Variants in SH3GL2 observed in about 807,000 individuals in gnomAD.
The protein encoded by SH3GL2 is SH3 domain containing GRB2 like 2, endophilin A1, also known as endophilin-A1.
Under a neutral mutation model 46.0 loss-of-function variants are expected in SH3GL2, and 24 were observed. That is an observed-to-expected ratio of 0.52 (90% confidence interval 0.38 to 0.73). The LOEUF is 0.73. SH3GL2 is among the 30% of genes least tolerant of loss of function. The pLI, the probability that SH3GL2 is intolerant of heterozygous loss-of-function variation, is 0.00. For missense variants in SH3GL2, 413 were observed against 424.2 expected (o/e 0.97, Z 0.23); for synonymous variants, 196 against 147.1 (o/e 1.33, Z -2.40).
At chr9:17,781,532 C>G (rs1227792096) in intron 3 of SH3GL2, among the ~76,000 whole-genome samples, 1 of 152,092 alleles carries the variant, frequency 6.6e-6, no homozygotes, top group Non-Finnish European at 1.5e-5. Flanking sequence ...TTGCTTTGTA[C>G]ATGTCTGTTA....
chr9:17,741,799 G>C (rs79695520), intron 1 of SH3GL2, among the ~76,000 whole-genome samples: 1 of 152,054 alleles, frequency 6.6e-6, no homozygotes, highest in South Asian at 2.1e-4. Flanking sequence ...ATGCTTAGCA[G>C]TTTTACTCAA....
chr9:17,600,389 T>A, intron 1 of SH3GL2, among the ~76,000 whole-genome samples: 1 of 152,138 alleles, frequency 6.6e-6, no homozygotes, highest in East Asian at 1.9e-4. Flanking sequence ...GAAGGGAGAA[T>A]TTCAAATAAC....
chr9:17,795,816 TTA>T lies in SH3GL2; in HGVS notation c.*76_*77del, dbSNP rs1337010789. The T allele has an allele frequency of 2.4e-6, 3 of 1,232,816 alleles. No individual in the cohort carries two copies. Among genetic ancestry groups the T allele is most frequent in the Admixed American group, 3.8e-5 (2 of 52,878 alleles). The allele number at this position is 1,232,816 out of a possible 1,614,324, so 76.4% of individuals were successfully genotyped here. On this transcript the variant is annotated 3_prime_UTR_variant, in exon 9 of 9. Transcript: ENST00000380607. The stretch of plus-strand genomic sequence containing the variant: ...TTAACCACTGCTTTGGCAATGCTGC[TTA>T]TAACACATCCCAAGTGCAGGCCGCA...
Position 17,579,118 on chromosome 9 carries a change from C to A in SH3GL2, c.-125C>A. On this transcript the variant is annotated 5_prime_UTR_variant, in exon 1 of 9. Coordinates refer to ENST00000380607, the MANE Select transcript of SH3GL2 (RefSeq NM_003026.5). ...TGTCCCGCTAGGCTCCGCGCCCTCGCGCCCATAGCCCCGGCGGCGGCACGA... is the reference window on the plus strand; with the variant it reads ...TGTCCCGCTAGGCTCCGCGCCCTCGAGCCCATAGCCCCGGCGGCGGCACGA... 3.5e-6 allele frequency: 2 copies of A among 565,264 alleles called. No homozygotes were observed. Among genetic ancestry groups the A allele is most frequent in the Admixed American group, 4.4e-5 (1 of 22,664 alleles). 35.0% of individuals were successfully genotyped at this position (565,264 alleles called of 1,614,324 possible). A position where few individuals can be genotyped will look rare whatever the true frequency, so the allele number is the denominator to read the frequency against.
chr9:17,579,342 C>G, intron 1 of SH3GL2, 55 bp downstream of exon 1: 1 of 1,287,862 alleles, frequency 7.8e-7, no homozygotes, highest in South Asian at 1.4e-5. Flanking sequence ...CTGCGAGGGG[C>G]GCGCTCGGCG....
chr9:17,605,617 G>C (rs3808767), intron 1 of SH3GL2, among the ~76,000 whole-genome samples: 97,169 of 152,018 alleles, frequency 0.64, 34,964 homozygotes, highest in Non-Finnish European at 0.79. Flanking sequence ...CAGCTCCTCA[G>C]TGTGGGGGTC....
chr9:17,629,803 A>G (rs1819377328), intron 1 of SH3GL2, among the ~76,000 whole-genome samples: 1 of 152,174 alleles, frequency 6.6e-6, no homozygotes, highest in African/African-American at 2.4e-5. Flanking sequence ...ACCTGTGTCC[A>G]GGTGTCTCAG....
intron 2 of SH3GL2, among the ~76,000 whole-genome samples, chr9:17,760,719 C>A (rs1050696930): frequency 6.6e-6 from 1 of 152,014 alleles, no homozygotes; most frequent in Non-Finnish European, 1.5e-5. Context: ...CCATGTAGGG[C>A]GAATAGGAGG....
chr9:17,669,804 G>T (rs1018481858), intron 1 of SH3GL2, among the ~76,000 whole-genome samples: 1 of 152,072 alleles, frequency 6.6e-6, no homozygotes, highest in Non-Finnish European at 1.5e-5. Flanking sequence ...CTTGTTTTCT[G>T]GGGTGACGCT....
At position 17,795,752 on chromosome 9, in the gene SH3GL2, G is replaced by T. The variant is rs1824257903; in HGVS notation, c.*9G>T. On this transcript the variant is annotated 3_prime_UTR_variant, in exon 9 of 9. Transcript: ENST00000380607. Reference sequence around the variant, plus strand: ...TTGCCCTGCCCCATTAGGATGTTATGCTGGCTGGCTCGCCTCCTCTTGACC... The same window carrying T: ...TTGCCCTGCCCCATTAGGATGTTATTCTGGCTGGCTCGCCTCCTCTTGACC... 6.2e-7 allele frequency: 1 copy of T among 1,609,946 alleles called. No individual in the cohort carries two copies. The highest frequency in any genetic ancestry group is 2.2e-5 in the East Asian group (1 of 44,774).
intron 1 of SH3GL2, among the ~76,000 whole-genome samples, chr9:17,588,182 T>C (rs940772907): frequency 2.9e-4 from 44 of 152,080 alleles, no homozygotes; most frequent in African/African-American, 8.4e-4. Flanking sequence ...CTGTAACATA[T>C]GGTTTTCAAG....
chr9:17,629,291 T>C (rs74510637), intron 1 of SH3GL2, among the ~76,000 whole-genome samples: 2,413 of 152,176 alleles, frequency 0.016, 63 homozygotes, highest in African/African-American at 0.055. Context: ...AATTTCATGA[T>C]AGAAATGAAA....
At chr9:17,748,650 C>A (rs989644066) in intron 2 of SH3GL2, among the ~76,000 whole-genome samples, 1 of 151,854 alleles carries the variant, frequency 6.6e-6, no homozygotes, top group Non-Finnish European at 1.5e-5. Flanking sequence ...TAAATATTTT[C>A]TTTGTGTCTT....
intron 1 of SH3GL2, among the ~76,000 whole-genome samples, chr9:17,718,507 G>C (rs1222975998): frequency 6.6e-6 from 1 of 152,112 alleles, no homozygotes; most frequent in Non-Finnish European, 1.5e-5. Context: ...TGGATTGCTT[G>C]AGCCCAGGAG....
At chr9:17,622,091 A>C (rs1299549388) in intron 1 of SH3GL2, among the ~76,000 whole-genome samples, 1 of 151,994 alleles carries the variant, frequency 6.6e-6, no homozygotes, top group Non-Finnish European at 1.5e-5. Context: ...CTATTTCCCT[A>C]TTTTTCATTT....
chr9:17,602,607 A>G (rs533460493), intron 1 of SH3GL2, among the ~76,000 whole-genome samples: 6 of 152,204 alleles, frequency 3.9e-5, no homozygotes, highest in Admixed American at 1.3e-4. Flanking sequence ...ACCTGGCAGT[A>G]TAAAAAAACT....
At chr9:17,672,596 A>C (rs1012929581) in intron 1 of SH3GL2, among the ~76,000 whole-genome samples, 2 of 152,118 alleles carry the variant, frequency 1.3e-5, no homozygotes, top group Admixed American at 1.3e-4. Context: ...AATGAGCTGC[A>C]ACAGAGCCAT....
At chr9:17,664,729 C>G (rs142495500) in intron 1 of SH3GL2, among the ~76,000 whole-genome samples, 264 of 150,856 alleles carry the variant, frequency 1.8e-3, no homozygotes, top group African/African-American at 5.6e-3. Flanking sequence ...ATAGAAAATT[C>G]AAAAGTACAT....
At chr9:17,782,391 A>G (rs1823834729) in intron 3 of SH3GL2, among the ~76,000 whole-genome samples, 1 of 152,162 alleles carries the variant, frequency 6.6e-6, no homozygotes, top group African/African-American at 2.4e-5. Flanking sequence ...TTTAAGAAGG[A>G]AGTGCTTCCA....
Sources: allele counts gnomAD v4.1 joint callset (sites outside exome capture counted in the v4.1 genomes callset), GRCh38; gene constraint gnomAD v4.1.1; transcripts MANE v1.5; gene names NCBI Gene and HGNC (gene_info 2026-07-23, HGNC 2026-07-21).